GOLM1: variants seen among roughly 807,000 people sequenced by gnomAD.
GOLM1 encodes the protein epididymis luminal protein 46.
Under a neutral mutation model 50.5 loss-of-function variants are expected in GOLM1, and 31 were observed. The ratio of observed to expected loss-of-function variants is 0.61; its 90% CI spans 0.46 to 0.83. The LOEUF (loss-of-function observed/expected upper bound fraction) is 0.83. GOLM1 is among the 40% of genes least tolerant of loss of function. GOLM1 has a pLI of 0.00. For synonymous variants in GOLM1, 178 were observed against 192.8 expected (o/e 0.92, Z 0.64); for missense variants, 491 against 501.3 (o/e 0.98, Z 0.20).
chr9:86,031,975 G>A (rs192157255), intron 9 of GOLM1, among the ~76,000 whole-genome samples: 8 of 140,324 alleles, frequency 5.7e-5, no homozygotes, highest in Non-Finnish European at 9.2e-5. Context: ...CGTGCCTCCC[G>A]ATGAAAGAAC....
intron 3 of GOLM1, among the ~76,000 whole-genome samples, chr9:86,053,043 CCA>C (rs869028516): frequency 6.7e-6 from 1 of 148,566 alleles, no homozygotes; most frequent in African/African-American, 2.5e-5. Context: ...CCATATGACT[CCA>C]CACACCACCA....
intron 6 of GOLM1, chr9:86,036,839 C>T (rs572790972): frequency 3.0e-5 from 8 of 263,754 alleles, no homozygotes; most frequent in South Asian, 7.5e-5. Context: ...TACTCCTTGA[C>T]GAAACAAACA....
At chr9:86,057,561 G>A (rs1834029271) in intron 3 of GOLM1, among the ~76,000 whole-genome samples, 1 of 152,208 alleles carries the variant, frequency 6.6e-6, no homozygotes, top group Non-Finnish European at 1.5e-5. Context: ...CCACTCCCAG[G>A]AGAGGCCTCA....
rs528487009 is a variant in GOLM1 at position 86,049,095 on chromosome 9, A to C, written c.365-2523T>G. On this transcript the variant is annotated intron_variant, in intron 4 of 9. Coordinates refer to ENST00000388712, the MANE Select transcript of GOLM1 (RefSeq NM_016548.4). The stretch of plus-strand genomic sequence containing the variant: ...TCCAGTTTCAGCTTTCTACATATGG[A>C]TAGCCAGTTTTCCCAGCACCATTTA... Among the ~76,000 whole-genome samples the C allele has an allele frequency of 4.0e-3, 614 of 152,242 alleles. 5 individuals are homozygous for C. The highest frequency in any genetic ancestry group is 0.014 in the African/African-American group (578 of 41,546).
intron 3 of GOLM1, among the ~76,000 whole-genome samples, chr9:86,076,421 CAAAAAAAAA>C (rs58193076): frequency 3.6e-3 from 85 of 23,320 alleles, no homozygotes; most frequent in African/African-American, 9.3e-3. Context: ...AACCCCATCT[CAAAAAAAAA>C]AAAAAAAAAA....
intron 1 of GOLM1, among the ~76,000 whole-genome samples, chr9:86,091,402 GAGTAAGGAAATACAAAGAATGCAGA>G (rs1359164145): frequency 3.3e-5 from 5 of 151,434 alleles, no homozygotes; most frequent in East Asian, 1.9e-4. Flanking sequence ...TTGATGTAAG[GAGTAAGGAAATACAAAGAATGCAGA>G]AGTAAGGAAA....
At chr9:86,087,561 G>T (rs1835018850) in intron 1 of GOLM1, among the ~76,000 whole-genome samples, 1 of 152,216 alleles carries the variant, frequency 6.6e-6, no homozygotes, top group African/African-American at 2.4e-5. Context: ...CATTCAGTAT[G>T]ATACTGGCTG....
At chr9:86,045,649 T>C (rs1833512579) in intron 5 of GOLM1, among the ~76,000 whole-genome samples, 1 of 145,386 alleles carries the variant, frequency 6.9e-6, no homozygotes. Context: ...CACTCCAGCA[T>C]GGGGGACAGC....
chr9:86,057,121 G>A (rs867276936), intron 3 of GOLM1, among the ~76,000 whole-genome samples: 4 of 152,136 alleles, frequency 2.6e-5, no homozygotes, highest in Non-Finnish European at 4.4e-5. Flanking sequence ...GGCAATAAGC[G>A]CCACCAGAAA....
chr9:86,052,346 A>AT (rs1244024128), intron 4 of GOLM1, among the ~76,000 whole-genome samples, 191 bp downstream of exon 4: 5 of 152,182 alleles, frequency 3.3e-5, no homozygotes, highest in African/African-American at 1.2e-4. Context: ...GTATTTGGCA[A>AT]TATTTTTTTT....
At chr9:86,090,275 T>C (rs116028210) in intron 1 of GOLM1, among the ~76,000 whole-genome samples, 5 of 152,294 alleles carry the variant, frequency 3.3e-5, no homozygotes, top group African/African-American at 7.2e-5. Flanking sequence ...TTGAGTGTTA[T>C]GCTGGGAGAT....
intron 3 of GOLM1, among the ~76,000 whole-genome samples, chr9:86,063,007 G>A (rs1563960748): frequency 6.6e-6 from 1 of 152,148 alleles, no homozygotes; most frequent in Non-Finnish European, 1.5e-5. Context: ...ACACTGGTCT[G>A]TCCCCTCTGC....
chr9:86,052,526 G>A lies in GOLM1; in HGVS notation c.364+11C>T. Reference sequence around the variant, plus strand: ...GCCAGTGCCTGGTGTGGAGGAGCGAGCGGAACTTACCTTGCAGCACTCGGA... The same window carrying A: ...GCCAGTGCCTGGTGTGGAGGAGCGAACGGAACTTACCTTGCAGCACTCGGA... On this transcript the variant is annotated intron_variant, in intron 4 of 9. Coordinates refer to ENST00000388712, the MANE Select transcript of GOLM1 (RefSeq NM_016548.4). 6.2e-7 allele frequency: 1 copy of A among 1,612,872 alleles called. No individual in the cohort carries two copies. Among genetic ancestry groups the A allele is most frequent in the Non-Finnish European group, 8.5e-7 (1 of 1,178,882 alleles).
At chr9:86,092,208 G>A (rs1284605998) in intron 1 of GOLM1, among the ~76,000 whole-genome samples, 3 of 152,206 alleles carry the variant, frequency 2.0e-5, no homozygotes, top group Non-Finnish European at 2.9e-5. Flanking sequence ...GCTACATTTG[G>A]CACATAGTAA....
At chr9:86,037,452 A>AG (rs1020908089) in intron 6 of GOLM1, among the ~76,000 whole-genome samples, 1 of 151,998 alleles carries the variant, frequency 6.6e-6, no homozygotes, top group African/African-American at 2.4e-5. Context: ...AAAAAAAAAA[A>AG]AAAAAAGAAA....
chr9:86,053,567 A>G (rs1264040013), intron 3 of GOLM1, among the ~76,000 whole-genome samples: 1 of 304 alleles, frequency 3.3e-3, no homozygotes, highest in African/African-American at 7.1e-3. Flanking sequence ...ACACACACAC[A>G]CATCACACAC....
intron 1 of GOLM1, among the ~76,000 whole-genome samples, chr9:86,096,518 G>A (rs1022761396): frequency 1.3e-5 from 2 of 152,144 alleles, no homozygotes; most frequent in Admixed American, 6.5e-5. Context: ...GCCGACCCCA[G>A]ACCTACCAAG....
At chr9:86,053,524 C>CCACACACA in intron 3 of GOLM1, among the ~76,000 whole-genome samples, 1 of 63,692 alleles carries the variant, frequency 1.6e-5, no homozygotes, top group African/African-American at 4.9e-5. Flanking sequence ...ACACAACACA[C>CCACACACA]CACTCCACAC....
In GOLM1 at chr9:86,049,229, T is replaced by G. The variant is rs536438694; in HGVS notation, c.365-2657A>C. On this transcript the variant is annotated intron_variant, in intron 4 of 9. Transcript: ENST00000388712. Reference sequence around the variant, plus strand: ...GGCTCTGTTCTGTTCCAATGGTCTATATCTCTGTTTTGGTACCAGTACCAT... The same window carrying G: ...GGCTCTGTTCTGTTCCAATGGTCTAGATCTCTGTTTTGGTACCAGTACCAT... Among the ~76,000 whole-genome samples, 8 of 152,334 alleles carry G rather than the reference T, an allele frequency of 5.3e-5. No homozygotes were observed. The South Asian group carries it at 1.7e-3, about 32-fold the overall frequency.
Sources: allele counts gnomAD v4.1 joint callset (sites outside exome capture counted in the v4.1 genomes callset), GRCh38; gene constraint gnomAD v4.1.1; transcripts MANE v1.5; gene names NCBI Gene and HGNC (gene_info 2026-07-23, HGNC 2026-07-21).